Variants in GTF3C4 observed in about 807,000 individuals in gnomAD.
GTF3C4 encodes the protein general transcription factor IIIC subunit 4.
In GTF3C4, 28 loss-of-function variants were observed where a neutral mutation model predicts 67.5. The observed-to-expected ratio is 0.41, with a 90% confidence interval of 0.31 to 0.57. The LOEUF (loss-of-function observed/expected upper bound fraction) is 0.57, where lower values mean the gene tolerates loss of function less well. GTF3C4 is among the 20% of genes least tolerant of loss of function. The pLI is 0.21. For synonymous variants in GTF3C4, 409 were observed against 393.0 expected, an observed-to-expected ratio of 1.04 and a Z score of -0.48; for missense variants, 831 against 1,033.2, an observed-to-expected ratio of 0.80 and a Z score of 2.68.
Position 132,678,601 on chromosome 9 carries a change from A to G in GTF3C4, c.982A>G (p.Met328Val). 6.2e-7 allele frequency: 1 copy of G among 1,614,220 alleles called. No homozygotes were observed. Among genetic ancestry groups the G allele is most frequent in the Non-Finnish European group, 8.5e-7 (1 of 1,180,034 alleles). The change falls in exon 2 of 5, where the codon ATG becomes GTG. Residue 328 changes from methionine to valine, a missense_variant. Met to Val is a conservative substitution (Grantham distance 21). This residue lies in a region of GTF3C4 where 390 missense variants were observed against 540.3 expected (regional missense o/e 0.72). Transcript: ENST00000372146. The surrounding 1 kb of genome is among the most constrained non-coding windows in gnomAD (Gnocchi z 6.5). ...WWEYEHNNRK[M>V]SGLIVGSAFG... ...GGAATATGAGCACAATAATCGAAAA[A>G]TGAGTGGCCTTATTGTGGGGAGTGC...
chr9:132,688,206 T>A (rs938333526), intron 4 of GTF3C4, among the ~76,000 whole-genome samples: 8 of 152,202 alleles, frequency 5.3e-5, no homozygotes, highest in African/African-American at 1.9e-4. Flanking sequence ...GCCTTTTCTG[T>A]TTCATGTGTA....
At chr9:132,676,664 A>T (rs878929734) in intron 1 of GTF3C4, among the ~76,000 whole-genome samples, 1 of 151,814 alleles carries the variant, frequency 6.6e-6, no homozygotes. Context: ...TGATTTTCTG[A>T]TACATCCCCA....
At chr9:132,670,350 C>T, upstream of GTF3C4, 1 of 1,399,346 alleles carries the variant, frequency 7.1e-7, no homozygotes, top group South Asian at 1.6e-5. Flanking sequence ...GGAGCTCAAT[C>T]CCTGGGCAGG....
At chr9:132,687,600 T>C (rs1836051715) in intron 4 of GTF3C4, among the ~76,000 whole-genome samples, 1 of 152,216 alleles carries the variant, frequency 6.6e-6, no homozygotes, top group Non-Finnish European at 1.5e-5. Context: ...TGCAAACAAA[T>C]TATTCATTCC....
At position 132,679,570 on chromosome 9, in the gene GTF3C4, G is replaced by A. The variant is rs1343400741; in HGVS notation, c.1951G>A (p.Asp651Asn). ...KEGDVEEPTD[D>N]SLPTTGDAGG... ...AGGAGATGTAGAGGAGCCCACTGAT[G>A]ACTCGCTCCCCACGACTGGAGATGC... is the stretch of plus-strand genomic sequence containing the variant. The change falls in exon 2 of 5, where the codon GAC (aspartate) becomes AAC (asparagine). Residue 651 changes from aspartate (D) to asparagine (N), a missense_variant. Physicochemically the swap from Asp to Asn is conservative, Grantham distance 23. Transcript: ENST00000372146. This position sits in a 1 kb window ranked among gnomAD's most constrained non-coding sequence, Gnocchi z 5.9. 1.2e-6 allele frequency: 2 copies of A among 1,614,112 alleles called. No homozygotes were observed. The highest frequency in any genetic ancestry group is 1.7e-6 in the Non-Finnish European group (2 of 1,180,016).
rs772444353 is a variant in GTF3C4 at position 132,672,913 on chromosome 9, G to A, written c.357+1958G>A. On this transcript the variant is annotated intron_variant, in intron 1 of 4. Transcript: ENST00000372146. Reference sequence around the variant, plus strand: ...AAATATAATGAGTTGGGCCGGGCGCGGTGGCTCACGCCTGTAATCCCAGCA... The same window carrying A: ...AAATATAATGAGTTGGGCCGGGCGCAGTGGCTCACGCCTGTAATCCCAGCA... Among the ~76,000 whole-genome samples the A allele has an allele frequency of 2.6e-5, 4 of 152,216 alleles. No homozygotes were observed. The South Asian group carries it at 6.2e-4, about 24-fold the overall frequency.
At chr9:132,670,173 G>T (rs1326835004), upstream of GTF3C4, 4 of 1,593,436 alleles carry the variant, frequency 2.5e-6, no homozygotes, top group Non-Finnish European at 3.4e-6. Context: ...CTCGCGGCCT[G>T]GCAAAATTAC....
chr9:132,670,181 T>G (rs753846839), upstream of GTF3C4: 2 of 1,590,796 alleles, frequency 1.3e-6, no homozygotes, highest in Non-Finnish European at 1.7e-6. Flanking sequence ...CTGGCAAAAT[T>G]ACATTCGGCC....
Position 132,678,906 on chromosome 9 carries a change from G to A in GTF3C4, c.1287G>A (p.Met429Ile), listed in dbSNP as rs768862853. The A allele has an allele frequency of 6.2e-7, 1 of 1,614,044 alleles. No homozygotes were observed. Among genetic ancestry groups the A allele is most frequent in the Non-Finnish European group, 8.5e-7 (1 of 1,179,920 alleles). Residue 429 changes from methionine to isoleucine, a missense_variant, in exon 2 of 5, where the codon ATG (methionine) becomes ATA (isoleucine). Around this residue, in one of 4 missense-constraint regions of GTF3C4, gnomAD observed 390 missense variants for 540.3 expected, o/e 0.72. Transcript: ENST00000372146. This position sits in a 1 kb window ranked among gnomAD's most constrained non-coding sequence, Gnocchi z 6.5. ...TTCACTCACTGCCAATTGTCTCCAT[G>A]ACTGCAGACAAACAGAATGGAACAG... ...TGLHSLPIVSMTADKQNGTVY... is the reference protein window; with the variant it reads ...TGLHSLPIVSITADKQNGTVY...
chr9:132,678,842 A>C lies in GTF3C4; in HGVS notation c.1223A>C (p.Lys408Thr), dbSNP rs1281192676. The C allele has an allele frequency of 1.2e-6, 2 of 1,614,020 alleles. No homozygotes were observed. Among genetic ancestry groups the C allele is most frequent in the Non-Finnish European group, 1.7e-6 (2 of 1,180,040 alleles). Reference protein sequence around the residue: ...YVFWCLLLISKAGLNVHNSHV... With the variant: ...YVFWCLLLISTAGLNVHNSHV... The stretch of plus-strand genomic sequence containing the variant: ...TTTTGGTGTCTTCTTCTGATCTCCA[A>C]AGCAGGGCTGAATGTTCACAATTCC... Residue 408 changes from lysine to threonine, a missense_variant, in exon 2 of 5, where the codon AAA (lysine) becomes ACA (threonine). Around this residue, in one of 4 missense-constraint regions of GTF3C4, gnomAD observed 390 missense variants for 540.3 expected, o/e 0.72. Coordinates refer to ENST00000372146, the MANE Select transcript of GTF3C4 (RefSeq NM_012204.4). This position sits in a 1 kb window ranked among gnomAD's most constrained non-coding sequence, Gnocchi z 6.5.
intron 1 of GTF3C4, among the ~76,000 whole-genome samples, chr9:132,673,235 G>A (rs961269747): frequency 6.6e-6 from 1 of 152,100 alleles, no homozygotes; most frequent in South Asian, 2.1e-4. Flanking sequence ...AGGAGTAGGA[G>A]TCTGGATTAA....
chr9:132,686,089 G>A (rs1050278041), intron 3 of GTF3C4, among the ~76,000 whole-genome samples: 5 of 150,668 alleles, frequency 3.3e-5, no homozygotes, highest in African/African-American at 9.8e-5. Flanking sequence ...CAACAACCAT[G>A]TATGGGGAGC....
rs1202735967 is a variant in GTF3C4, at chr9:132,691,316, G to A, written c.*2371G>A. 6.6e-6 allele frequency: 1 copy of A among 152,200 alleles called. No homozygotes were observed. Among genetic ancestry groups the A allele is most frequent in the Non-Finnish European group, 1.5e-5 (1 of 68,042 alleles). 9.4% of individuals were successfully genotyped at this position (152,200 alleles called of 1,614,324 possible). On this transcript the variant is annotated 3_prime_UTR_variant, in exon 5 of 5. Coordinates refer to ENST00000372146, the MANE Select transcript of GTF3C4 (RefSeq NM_012204.4). ...GAGTGTGTTGCTCAGTGCAACCTTG[G>A]AAAAGTGGGAATGGCACCAGACGTT...
At chr9:132,677,275 G>A (rs576150949) in intron 1 of GTF3C4, among the ~76,000 whole-genome samples, 172 of 152,246 alleles carry the variant, frequency 1.1e-3, no homozygotes, top group African/African-American at 3.9e-3. Flanking sequence ...GGTGGTGCAC[G>A]CTTGTAATCC....
chr9:132,692,129 A>T lies in GTF3C4; in HGVS notation c.*3184A>T, dbSNP rs1402758212. 6.6e-6 allele frequency: 1 copy of T among 152,142 alleles called. No homozygotes were observed. Among genetic ancestry groups the T allele is most frequent in the African/African-American group, 2.4e-5 (1 of 41,432 alleles). The allele number at this position is 152,142 out of a possible 1,614,324, so 9.4% of individuals were successfully genotyped here. A position where few individuals can be genotyped will look rare whatever the true frequency, so the allele number is the denominator to read the frequency against. On this transcript the variant is annotated 3_prime_UTR_variant, in exon 5 of 5. Coordinates refer to ENST00000372146, the MANE Select transcript of GTF3C4 (RefSeq NM_012204.4). Reference sequence around the variant, plus strand: ...TGGTTGATTGGCACAGGATCTTTCCATCGTTTCTGCTCCTGACCTCTCTCT... The same window carrying T: ...TGGTTGATTGGCACAGGATCTTTCCTTCGTTTCTGCTCCTGACCTCTCTCT...
chr9:132,680,875 C>T (rs771810910), intron 2 of GTF3C4, among the ~76,000 whole-genome samples: 2 of 152,138 alleles, frequency 1.3e-5, no homozygotes, highest in South Asian at 2.1e-4. Flanking sequence ...CTTTGGGAGG[C>T]CGAGGAGGGC....
chr9:132,679,902 TG>T lies in GTF3C4; in HGVS notation c.2184+100del. The T allele has an allele frequency of 1.7e-6, 2 of 1,163,586 alleles. No individual in the cohort carries two copies. Among genetic ancestry groups the T allele is most frequent in the South Asian group, 3.2e-5 (2 of 62,272 alleles). The allele number at this position is 1,163,586 out of a possible 1,614,324, so 72.1% of individuals were successfully genotyped here. Reference sequence around the variant, plus strand: ...AGTTCCTGAAGCTCAACTTTTGCTTTGACATTTTTTAGGTAATTTATTTGCT... The same window carrying T: ...AGTTCCTGAAGCTCAACTTTTGCTTTACATTTTTTAGGTAATTTATTTGCT... On this transcript the variant is annotated intron_variant, in intron 2 of 4. Transcript: ENST00000372146. This position sits in a 1 kb window ranked among gnomAD's most constrained non-coding sequence, Gnocchi z 5.9.
chr9:132,671,257 A>G (rs1254229859), intron 1 of GTF3C4, among the ~76,000 whole-genome samples: 2 of 152,108 alleles, frequency 1.3e-5, no homozygotes, highest in South Asian at 2.1e-4. Flanking sequence ...GGGCCCGCAC[A>G]TGGAGCGGGT....
At chr9:132,685,433 G>C (rs1836011859) in intron 3 of GTF3C4, among the ~76,000 whole-genome samples, 1 of 152,106 alleles carries the variant, frequency 6.6e-6, no homozygotes, top group African/African-American at 2.4e-5. Context: ...AATGGCTATA[G>C]AGGTTTCTAG....
Sources: allele counts gnomAD v4.1 joint callset (sites outside exome capture counted in the v4.1 genomes callset), GRCh38; gene constraint gnomAD v4.1.1; regional missense constraint gnomAD v4.1.1; non-coding constraint Gnocchi (gnomAD v3.1); transcripts MANE v1.5; gene names NCBI Gene and HGNC (gene_info 2026-07-23, HGNC 2026-07-21).